AMPH: variants seen among roughly 807,000 people sequenced by gnomAD.
AMPH encodes the protein amphiphysin (Stiff-Mann syndrome with breast cancer 128kD autoantigen).
In AMPH, 49 loss-of-function variants were observed where a neutral mutation model predicts 99.1. That is an observed-to-expected ratio of 0.49 (90% CI 0.39 to 0.63). AMPH has a LOEUF of 0.63. Among genes scored for constraint, AMPH ranks in the 20% least tolerant of loss-of-function variants. The pLI is 0.00. For synonymous variants in AMPH, 314 were observed against 317.3 expected (o/e 0.99, Z 0.11); for missense variants, 759 against 863.4 (o/e 0.88, Z 1.52).
intron 2 of AMPH, among the ~76,000 whole-genome samples, chr7:38,526,630 A>G (rs1790201175): frequency 6.6e-6 from 1 of 151,718 alleles, no homozygotes; most frequent in Non-Finnish European, 1.5e-5. Flanking sequence ...TATTTTTACT[A>G]CGGAGTTTTA....
intron 1 of AMPH, among the ~76,000 whole-genome samples, chr7:38,624,518 C>T (rs1794178663): frequency 6.6e-6 from 1 of 150,922 alleles, no homozygotes; most frequent in Admixed American, 6.6e-5. Flanking sequence ...CCTCGGCCTC[C>T]CGAGTATCCT....
intron 17 of AMPH, among the ~76,000 whole-genome samples, chr7:38,402,568 C>G (rs1784870153): frequency 6.6e-6 from 1 of 152,166 alleles, no homozygotes; most frequent in Non-Finnish European, 1.5e-5. Context: ...TTTATCAAGT[C>G]TTGACATAGA....
At chr7:38,423,912 G>A (rs529647631) in intron 15 of AMPH, among the ~76,000 whole-genome samples, 4 of 152,140 alleles carry the variant, frequency 2.6e-5, no homozygotes, top group Non-Finnish European at 5.9e-5. Context: ...GGCTGAAACA[G>A]GGTCCCTGGA....
chr7:38,597,339 T>C (rs1360688406), intron 1 of AMPH, among the ~76,000 whole-genome samples: 2 of 152,064 alleles, frequency 1.3e-5, no homozygotes, highest in African/African-American at 2.4e-5. Flanking sequence ...CTCTACTGAA[T>C]ATTTGCCCCA....
chr7:38,603,164 A>G (rs1199439858), intron 1 of AMPH, among the ~76,000 whole-genome samples: 1 of 151,996 alleles, frequency 6.6e-6, no homozygotes, highest in African/African-American at 2.4e-5. Context: ...AAAAATACAA[A>G]AATTAGCTGG....
At chr7:38,614,673 A>C (rs1793810494) in intron 1 of AMPH, among the ~76,000 whole-genome samples, 1 of 152,144 alleles carries the variant, frequency 6.6e-6, no homozygotes, top group South Asian at 2.1e-4. Flanking sequence ...ATCTTGTAAG[A>C]AATGAAATTA....
intron 3 of AMPH, among the ~76,000 whole-genome samples, chr7:38,494,896 A>C (rs1376287011): frequency 6.6e-6 from 1 of 152,190 alleles, no homozygotes; most frequent in East Asian, 1.9e-4. Flanking sequence ...TCTCAAACTA[A>C]AATTAGTCCT....
At chr7:38,540,692 CAAAAA>C (rs373768495) in intron 1 of AMPH, among the ~76,000 whole-genome samples, 45 of 19,758 alleles carry the variant, frequency 2.3e-3, no homozygotes, top group African/African-American at 7.4e-3. Flanking sequence ...TGACCCCAAG[CAAAAA>C]AAAAAAAAAA....
rs1562860675 is a variant in AMPH, at chr7:38,610,363, GA to G, written c.69+20919del. ...GAAAAGAAAAGAAAAGAAAAGAAAA[GA>G]AAAGAAAAGAAAGGAAAGGAAAAGA... is the stretch of plus-strand genomic sequence containing the variant. On this transcript the variant is annotated intron_variant, in intron 1 of 20. Coordinates refer to ENST00000356264, the MANE Select transcript of AMPH (RefSeq NM_001635.4). 4.5e-4 allele frequency among the ~76,000 whole-genome samples: 18 copies of G among 39,850 alleles called. 2 individuals are homozygous for G. Among genetic ancestry groups the G allele is most frequent in the East Asian group, 9.2e-4 (3 of 3,266 alleles). The allele number at this position is 39,850 out of a possible 152,430, so 26.1% of individuals were successfully genotyped here. A position where few individuals can be genotyped will look rare whatever the true frequency, so the allele number is the denominator to read the frequency against.
At chr7:38,443,002 G>C (rs1026646949) in intron 11 of AMPH, among the ~76,000 whole-genome samples, 5 of 151,922 alleles carry the variant, frequency 3.3e-5, no homozygotes, top group Non-Finnish European at 7.4e-5. Context: ...AGTGAACAAG[G>C]ATGCAGATTA....
At chr7:38,419,076 T>G (rs1161881350) in intron 16 of AMPH, among the ~76,000 whole-genome samples, 1 of 151,944 alleles carries the variant, frequency 6.6e-6, no homozygotes, top group African/African-American at 2.4e-5. Flanking sequence ...ACCAGAACAC[T>G]TAAACTAAAA....
rs775685248 is a variant in AMPH at position 38,534,979 on chromosome 7, T to C, written c.102A>G (p.Thr34=). ...CATATTCTTCGAACTGTTCGTCTTT[T>C]GTCTCATCAGCTTTCCCCAGCTTTT... ...VLQKLGKADE[T]KDEQFEEYVQ... Residue 34 remains threonine, a synonymous_variant, in exon 2 of 21, where the codon ACA becomes ACG. Transcript: ENST00000356264. 3.1e-6 allele frequency: 5 copies of C among 1,614,180 alleles called. No homozygotes were observed. The East Asian group carries it at 1.1e-4, about 36-fold the overall frequency.
intron 3 of AMPH, among the ~76,000 whole-genome samples, chr7:38,502,447 C>T (rs112873943): frequency 6.6e-5 from 10 of 152,148 alleles, no homozygotes; most frequent in South Asian, 2.1e-4. Context: ...AGTGGCCAAC[C>T]GAGAGATTAA....
At chr7:38,406,395 A>T (rs566189220) in intron 17 of AMPH, among the ~76,000 whole-genome samples, 10 of 152,224 alleles carry the variant, frequency 6.6e-5, no homozygotes, top group Middle Eastern at 3.4e-3. Context: ...ATTGAAAATT[A>T]AAAAAAATCT....
At chr7:38,505,169 T>A (rs1397036124) in intron 2 of AMPH, among the ~76,000 whole-genome samples, 1 of 152,204 alleles carries the variant, frequency 6.6e-6, no homozygotes, top group Admixed American at 6.5e-5. Flanking sequence ...TCCATCACAT[T>A]TAAAGATAAT....
intron 1 of AMPH, among the ~76,000 whole-genome samples, chr7:38,557,846 G>A (rs1490693384): frequency 6.6e-6 from 1 of 152,018 alleles, no homozygotes; most frequent in Non-Finnish European, 1.5e-5. Flanking sequence ...CTGAGCCTAG[G>A]AGTTTGAGAC....
intron 1 of AMPH, among the ~76,000 whole-genome samples, chr7:38,593,106 C>CA (rs1216987197): frequency 6.6e-6 from 1 of 152,170 alleles, no homozygotes; most frequent in Admixed American, 6.5e-5. Context: ...CTATATCTTA[C>CA]AAAGCACTTG....
chr7:38,413,553 G>C (rs921974743), intron 17 of AMPH, among the ~76,000 whole-genome samples: 1 of 152,098 alleles, frequency 6.6e-6, no homozygotes, highest in South Asian at 2.1e-4. Flanking sequence ...GAGAGAAACA[G>C]ACACTTATTT....
At chr7:38,578,715 T>C (rs1562841003) in intron 1 of AMPH, among the ~76,000 whole-genome samples, 1 of 152,066 alleles carries the variant, frequency 6.6e-6, no homozygotes, top group Admixed American at 6.6e-5. Flanking sequence ...TTGCAGTGAG[T>C]TATGATCACA....
Sources: allele counts gnomAD v4.1 joint callset (sites outside exome capture counted in the v4.1 genomes callset), GRCh38; gene constraint gnomAD v4.1.1; transcripts MANE v1.5; gene names NCBI Gene and HGNC (gene_info 2026-07-23, HGNC 2026-07-21).